Variants in MITF observed in about 807,000 individuals in gnomAD.
MITF encodes the protein microphthalmia-associated transcription factor.
MITF carries 17 observed loss-of-function variants against 60.5 expected under a neutral mutation model. The observed-to-expected ratio is 0.28, with a 90% confidence interval of 0.19 to 0.42. The LOEUF is 0.42. Ranked by LOEUF, MITF falls within the 10% of genes least tolerant of loss-of-function variation. MITF has a pLI of 1.00. For missense variants in MITF, 622 were observed against 683.5 expected (o/e 0.91, Z 1.00); for synonymous variants, 260 against 248.5 (o/e 1.05, Z -0.43).
intron 1 of MITF, among the ~76,000 whole-genome samples, chr3:69,770,975 A>C (rs1046643013): frequency 2.0e-5 from 3 of 152,232 alleles, no homozygotes; most frequent in African/African-American, 7.2e-5. Flanking sequence ...TTTGAAATGC[A>C]CGTGTTACTT....
At chr3:69,823,149 G>A (rs1159335605) in intron 1 of MITF, among the ~76,000 whole-genome samples, 2 of 152,144 alleles carry the variant, frequency 1.3e-5, no homozygotes, top group African/African-American at 4.8e-5. Flanking sequence ...AAAGTGCTGG[G>A]ATTATGGACA....
intron 5 of MITF, among the ~76,000 whole-genome samples, chr3:69,947,476 T>C (rs1038532620): frequency 6.6e-6 from 1 of 152,170 alleles, no homozygotes; most frequent in Non-Finnish European, 1.5e-5. Context: ...GTAACCTATT[T>C]CAACTAAAAC....
intron 1 of MITF, among the ~76,000 whole-genome samples, chr3:69,838,835 A>G (rs184832935): frequency 6.6e-6 from 1 of 152,322 alleles, no homozygotes; most frequent in Non-Finnish European, 1.5e-5. Flanking sequence ...TTTAAAAGTC[A>G]AATGCCCAAG....
At chr3:69,834,701 T>G (rs1334517910) in intron 1 of MITF, among the ~76,000 whole-genome samples, 1 of 152,158 alleles carries the variant, frequency 6.6e-6, no homozygotes, top group African/African-American at 2.4e-5. Context: ...ATAGAAGGGT[T>G]GCTGGATTAT....
intron 1 of MITF, among the ~76,000 whole-genome samples, chr3:69,827,115 C>T (rs1416177467): frequency 1.3e-5 from 2 of 152,176 alleles, no homozygotes; most frequent in Non-Finnish European, 2.9e-5. Flanking sequence ...CTTTGACAGC[C>T]TCTCACCAGT....
At chr3:69,768,610 G>A (rs1209476805) in intron 1 of MITF, among the ~76,000 whole-genome samples, 5 of 152,142 alleles carry the variant, frequency 3.3e-5, no homozygotes, top group Non-Finnish European at 7.3e-5. Context: ...GGTTATTACC[G>A]GTGTTTGGAA....
At chr3:69,811,906 A>G (rs1331496188) in intron 1 of MITF, among the ~76,000 whole-genome samples, 1 of 152,182 alleles carries the variant, frequency 6.6e-6, no homozygotes, top group Non-Finnish European at 1.5e-5. Flanking sequence ...GACGGACAGG[A>G]GAGCTTTGTC....
At chr3:69,807,760 A>G (rs1445179420) in intron 1 of MITF, among the ~76,000 whole-genome samples, 2 of 152,208 alleles carry the variant, frequency 1.3e-5, no homozygotes, top group Non-Finnish European at 2.9e-5. Flanking sequence ...TAATTTTCCA[A>G]TGACCCATTT....
intron 1 of MITF, among the ~76,000 whole-genome samples, chr3:69,834,491 A>G (rs2063506891): frequency 6.6e-6 from 1 of 152,218 alleles, no homozygotes; most frequent in Non-Finnish European, 1.5e-5. Flanking sequence ...ATGTTGCTGC[A>G]AATGACAGGA....
rs1225402343 is a variant in MITF at position 69,967,789 on chromosome 3, T to A, written c.*2541T>A. 1 of 233,024 alleles carries A rather than the reference T, an allele frequency of 4.3e-6. No homozygotes were observed. Among genetic ancestry groups the A allele is most frequent in the African/African-American group, 2.2e-5 (1 of 45,348 alleles). 14.4% of individuals were successfully genotyped at this position (233,024 alleles called of 1,614,324 possible). ...TAAGCCAAGAGGCAGTGGTTTGGGC[T>A]TGTTGTTTGTAACAAGAAAATGATC... is the stretch of plus-strand genomic sequence containing the variant. On this transcript the variant is annotated 3_prime_UTR_variant, in exon 10 of 10. Coordinates refer to ENST00000352241, the MANE Select transcript of MITF (RefSeq NM_001354604.2).
intron 1 of MITF, among the ~76,000 whole-genome samples, chr3:69,795,343 TA>T (rs1218872525): frequency 3.3e-5 from 5 of 152,232 alleles, no homozygotes; most frequent in African/African-American, 7.2e-5. Context: ...TTCTAATTTT[TA>T]AAAAACATAT....
chr3:69,933,921 GAA>G (rs2065776954), intron 2 of MITF, among the ~76,000 whole-genome samples: 1 of 152,198 alleles, frequency 6.6e-6, no homozygotes, highest in Admixed American at 6.5e-5. Flanking sequence ...GCTGAAGACA[GAA>G]AATTATATTT....
At chr3:69,779,315 C>T (rs897590597) in intron 1 of MITF, among the ~76,000 whole-genome samples, 1 of 152,138 alleles carries the variant, frequency 6.6e-6, no homozygotes, top group Non-Finnish European at 1.5e-5. Context: ...GTCTTTACAT[C>T]CTTACTACAA....
chr3:69,950,984 G>T (rs1175926174), intron 6 of MITF, among the ~76,000 whole-genome samples: 1 of 150,952 alleles, frequency 6.6e-6, no homozygotes, highest in Non-Finnish European at 1.5e-5. Context: ...GTTATTAGAT[G>T]ATTTCATTAC....
At chr3:69,912,820 A>C (rs1049604432) in intron 2 of MITF, among the ~76,000 whole-genome samples, 1 of 152,190 alleles carries the variant, frequency 6.6e-6, no homozygotes, top group Non-Finnish European at 1.5e-5. Flanking sequence ...TCTTTGGCCA[A>C]CTATCCTCTA....
At chr3:69,888,977 T>G (rs896060291) in intron 2 of MITF, among the ~76,000 whole-genome samples, 2 of 150,730 alleles carry the variant, frequency 1.3e-5, no homozygotes, top group African/African-American at 4.9e-5. Flanking sequence ...TGATGGAATT[T>G]AATTTGAATC....
At chr3:69,788,891 A>G (rs1193662042) in intron 1 of MITF, among the ~76,000 whole-genome samples, 1 of 152,200 alleles carries the variant, frequency 6.6e-6, no homozygotes, top group Non-Finnish European at 1.5e-5. Context: ...AACTAGATAG[A>G]TGCAATGGAA....
At position 69,966,009 on chromosome 3, in the gene MITF, G is replaced by T. The variant is rs770717815; in HGVS notation, c.*761G>T. On this transcript the variant is annotated 3_prime_UTR_variant, in exon 10 of 10. Transcript: ENST00000352241. ...TCATAAGATATTTTATTTTGAAATG[G>T]AAATTAATGTCCTCTCAAAGTAAAA... The T allele has an allele frequency of 3.9e-5, 9 of 231,962 alleles. No individual in the cohort carries two copies. Among genetic ancestry groups the T allele is most frequent in the Non-Finnish European group, 5.1e-5 (6 of 117,438 alleles). The allele number at this position is 231,962 out of a possible 1,614,324, so 14.4% of individuals were successfully genotyped here. A position where few individuals can be genotyped will look rare whatever the true frequency, so the allele number is the denominator to read the frequency against.
intron 2 of MITF, among the ~76,000 whole-genome samples, chr3:69,902,388 G>C (rs926945047): frequency 2.0e-5 from 3 of 151,864 alleles, no homozygotes; most frequent in Non-Finnish European, 4.4e-5. Context: ...CTTACTGTTG[G>C]GTCCCCAGCA....
Sources: allele counts gnomAD v4.1 joint callset (sites outside exome capture counted in the v4.1 genomes callset), GRCh38; gene constraint gnomAD v4.1.1; transcripts MANE v1.5; gene names NCBI Gene and HGNC (gene_info 2026-07-23, HGNC 2026-07-21).